Variants in PHF14 observed in about 807,000 individuals in gnomAD.
PHF14 encodes the protein PHD finger protein 14.
In PHF14, 55 loss-of-function variants were observed where a neutral mutation model predicts 117.9. The ratio of observed to expected loss-of-function variants is 0.47; its 90% CI spans 0.38 to 0.58. The LOEUF (loss-of-function observed/expected upper bound fraction) is 0.58. Among genes scored for constraint, PHF14 ranks in the 20% least tolerant of loss-of-function variants. The pLI, the probability that PHF14 is intolerant of heterozygous loss-of-function variation, is 0.00. For synonymous variants in PHF14, 409 were observed against 368.6 expected (o/e 1.11, Z -1.26); for missense variants, 978 against 1,122.2 (o/e 0.87, Z 1.84).
At position 11,064,431 on chromosome 7, in the gene PHF14, G is replaced by A. The variant is rs148938949; in HGVS notation, c.2654+2346G>A. 2.7e-3 allele frequency among the ~76,000 whole-genome samples: 415 copies of A among 151,724 alleles called. 2 individuals are homozygous for A. Among genetic ancestry groups the A allele is most frequent in the African/African-American group, 9.5e-3 (394 of 41,458 alleles). On this transcript the variant is annotated intron_variant, in intron 16 of 17. Coordinates refer to ENST00000634607, the MANE Select transcript of PHF14 (RefSeq NM_001007157.2). Reference sequence around the variant, plus strand: ...ATTTTCTCTACAGATATATTTCAGCGCTTACTCAGACATACGTGTATGTCT... The same window carrying A: ...ATTTTCTCTACAGATATATTTCAGCACTTACTCAGACATACGTGTATGTCT...
At chr7:11,161,968 C>T (rs1406330423) in intron 17 of PHF14, among the ~76,000 whole-genome samples, 1 of 149,244 alleles carries the variant, frequency 6.7e-6, no homozygotes, top group Non-Finnish European at 1.5e-5. Context: ...ATAAGTTCGT[C>T]AGGGTTATCA....
intron 17 of PHF14, among the ~76,000 whole-genome samples, chr7:11,122,404 T>C (rs1241333598): frequency 1.5e-4 from 19 of 124,434 alleles, no homozygotes; most frequent in Non-Finnish European, 2.8e-4. Context: ...CACACATATA[T>C]ATATACACGT....
chr7:10,981,823 A>G (rs948589570), intron 2 of PHF14, among the ~76,000 whole-genome samples: 5 of 152,134 alleles, frequency 3.3e-5, no homozygotes, highest in Non-Finnish European at 2.9e-5. Flanking sequence ...TGTTTGGTAT[A>G]TTAGAGTTGT....
At chr7:11,166,939 G>C (rs953385679) in intron 17 of PHF14, among the ~76,000 whole-genome samples, 1 of 151,992 alleles carries the variant, frequency 6.6e-6, no homozygotes, top group African/African-American at 2.4e-5. Context: ...ACAACAAAAA[G>C]ACAAACATTA....
intron 17 of PHF14, among the ~76,000 whole-genome samples, chr7:11,142,499 A>C (rs1788428458): frequency 6.6e-6 from 1 of 152,098 alleles, no homozygotes; most frequent in Non-Finnish European, 1.5e-5. Flanking sequence ...TATCATGTAG[A>C]AAACTATCTA....
At chr7:11,014,822 C>T (rs1049004945) in intron 5 of PHF14, 1 of 151,742 alleles carries the variant, frequency 6.6e-6, no homozygotes, top group Non-Finnish European at 1.5e-5. Context: ...CTTTTTACTA[C>T]ATTCACACTC....
chr7:11,036,874 A>T (rs1036840673), intron 9 of PHF14, 111 bp from the exon 10 acceptor site: 24 of 955,012 alleles, frequency 2.5e-5, no homozygotes, highest in African/African-American at 2.5e-4. Context: ...AAATATACTT[A>T]AAAGTTTTAA....
chr7:11,020,870 C>T (rs905676306), intron 5 of PHF14, among the ~76,000 whole-genome samples: 1 of 152,160 alleles, frequency 6.6e-6, no homozygotes, highest in Non-Finnish European at 1.5e-5. Context: ...TGAGTGAAGA[C>T]AGTGAGCCAC....
chr7:11,035,284 G>A (rs1176791579), intron 7 of PHF14, among the ~76,000 whole-genome samples: 1 of 152,030 alleles, frequency 6.6e-6, no homozygotes, highest in East Asian at 1.9e-4. Flanking sequence ...AACATAAGAC[G>A]CTTGAGCATC....
At chr7:11,076,811 G>A (rs912673461) in intron 16 of PHF14, among the ~76,000 whole-genome samples, 10 of 150,424 alleles carry the variant, frequency 6.6e-5, no homozygotes, top group African/African-American at 2.4e-4. Flanking sequence ...CAAGCAATCC[G>A]CCTGCCTTGG....
In PHF14 at chr7:11,062,682, A is replaced by G. The variant is rs187133018; in HGVS notation, c.2654+597A>G. 89 of 984,688 alleles carry G rather than the reference A, an allele frequency of 9.0e-5. No individual in the cohort carries two copies. The African/African-American group carries it at 1.5e-3, about 17-fold the overall frequency. The allele number at this position is 984,688 out of a possible 1,614,324, so 61.0% of individuals were successfully genotyped here. A position where few individuals can be genotyped will look rare whatever the true frequency, so the allele number is the denominator to read the frequency against. ...TTTTTTTTAATCAGACATAATGCTA[A>G]TCAGAAATCTTAGCTGATGCTGCAC... On this transcript the variant is annotated intron_variant, in intron 16 of 17. Transcript: ENST00000634607.
At chr7:11,102,821 A>T in intron 16 of PHF14, 8 of 1,267,604 alleles carry the variant, frequency 6.3e-6, no homozygotes, top group Non-Finnish European at 8.0e-6. Context: ...AAAATACTGG[A>T]TACATGTCTT....
At chr7:11,056,362 G>A (rs892580427) in intron 14 of PHF14, among the ~76,000 whole-genome samples, 1 of 151,474 alleles carries the variant, frequency 6.6e-6, no homozygotes, top group Admixed American at 6.6e-5. Flanking sequence ...TACTTGTCAT[G>A]TAGAATACAT....
intron 5 of PHF14, among the ~76,000 whole-genome samples, chr7:11,017,028 C>A (rs2128317096): frequency 6.6e-6 from 1 of 152,230 alleles, no homozygotes; most frequent in Middle Eastern, 3.4e-3. Flanking sequence ...TGGCTTATTT[C>A]ACCTAACATA....
chr7:10,983,374 C>T (rs1782109745), intron 3 of PHF14, among the ~76,000 whole-genome samples: 2 of 152,202 alleles, frequency 1.3e-5, no homozygotes, highest in African/African-American at 4.8e-5. Context: ...CTCACAATCT[C>T]TGTCCTCAAG....
intron 17 of PHF14, among the ~76,000 whole-genome samples, chr7:11,145,014 G>A (rs572173428): frequency 1.3e-5 from 2 of 152,038 alleles, no homozygotes; most frequent in East Asian, 3.9e-4. Flanking sequence ...ATAGGGTTAT[G>A]GAGATGAATG....
intron 17 of PHF14, among the ~76,000 whole-genome samples, chr7:11,149,840 G>C (rs962753964): frequency 4.6e-5 from 7 of 151,688 alleles, no homozygotes; most frequent in Non-Finnish European, 1.0e-4. Context: ...GTATATAGCA[G>C]GTAAGGATAG....
chr7:11,115,799 A>G (rs370838802), intron 17 of PHF14, among the ~76,000 whole-genome samples: 3 of 152,106 alleles, frequency 2.0e-5, no homozygotes, highest in East Asian at 3.9e-4. Flanking sequence ...CTTAACTTTC[A>G]TTAGCTTGTG....
intron 3 of PHF14, 28 bp from the exon 4 acceptor site, chr7:10,990,675 C>T: frequency 3.7e-6 from 5 of 1,340,294 alleles, no homozygotes; most frequent in East Asian, 2.6e-5. Flanking sequence ...ATGTGATTTT[C>T]TGATATATGT....
Sources: allele counts gnomAD v4.1 joint callset (sites outside exome capture counted in the v4.1 genomes callset), GRCh38; gene constraint gnomAD v4.1.1; transcripts MANE v1.5; gene names NCBI Gene and HGNC (gene_info 2026-07-23, HGNC 2026-07-21).